CRTAM: variants seen among roughly 807,000 people sequenced by gnomAD.
CRTAM encodes cytotoxic and regulatory T-cell molecule.
A neutral mutation model predicts 50.0 loss-of-function variants in CRTAM; 44 were observed. That is an observed-to-expected ratio of 0.88 (90% CI 0.69 to 1.13). CRTAM has a LOEUF of 1.13. Among genes scored for constraint, CRTAM ranks in the 50% most tolerant of loss-of-function variants. CRTAM has a pLI of 0.00. For missense variants in CRTAM, 448 were observed against 457.5 expected (o/e 0.98, Z 0.19); for synonymous variants, 159 against 169.3 (o/e 0.94, Z 0.47).
At chr11:122,866,536 G>A (rs1294453875) in intron 7 of CRTAM, among the ~76,000 whole-genome samples, 8 of 151,844 alleles carry the variant, frequency 5.3e-5, no homozygotes, top group Non-Finnish European at 1.5e-5. Context: ...TTATTCATTG[G>A]TTAAGATGAG....
chr11:122,843,432 T>G (rs570012711), intron 1 of CRTAM, among the ~76,000 whole-genome samples: 3 of 152,088 alleles, frequency 2.0e-5, no homozygotes, highest in Non-Finnish European at 4.4e-5. Flanking sequence ...CCGTAGGAAG[T>G]GGTGACCTCA....
At chr11:122,850,354 C>T (rs1208678866) in intron 2 of CRTAM, 140 bp downstream of exon 2, 34 of 757,178 alleles carry the variant, frequency 4.5e-5, no homozygotes, top group East Asian at 5.2e-5. Context: ...ACATGAATCA[C>T]GCCTCCAAAT....
intron 1 of CRTAM, among the ~76,000 whole-genome samples, chr11:122,841,607 A>G (rs1861799543): frequency 1.3e-5 from 2 of 151,976 alleles, no homozygotes; most frequent in Admixed American, 6.6e-5. Context: ...TCACCATGTT[A>G]GCCAGGATAG....
At chr11:122,853,834 T>G in intron 3 of CRTAM, 109 bp from the exon 4 acceptor site, 1 of 947,792 alleles carries the variant, frequency 1.1e-6, no homozygotes. Context: ...GAAAGCCCAT[T>G]AATTAGAGTA....
intron 1 of CRTAM, among the ~76,000 whole-genome samples, chr11:122,839,088 C>T (rs1338909388): frequency 3.9e-5 from 6 of 152,108 alleles, no homozygotes; most frequent in African/African-American, 1.2e-4. Context: ...GCCACCACCA[C>T]GCCCGGCTAA....
chr11:122,871,176 C>A, intron 9 of CRTAM, 93 bp from the exon 10 acceptor site: 2 of 1,200,362 alleles, frequency 1.7e-6, no homozygotes, highest in Non-Finnish European at 2.3e-6. Context: ...AATATGTGAA[C>A]CTAAAAATAT....
At chr11:122,842,993 G>A (rs1861817709) in intron 1 of CRTAM, among the ~76,000 whole-genome samples, 1 of 152,128 alleles carries the variant, frequency 6.6e-6, no homozygotes, top group Non-Finnish European at 1.5e-5. Flanking sequence ...AGGCTATTAA[G>A]GCAAGAAAAG....
chr11:122,865,327 G>A (rs751165392), intron 7 of CRTAM, among the ~76,000 whole-genome samples: 6 of 152,104 alleles, frequency 3.9e-5, no homozygotes, highest in East Asian at 1.9e-4. Flanking sequence ...GAGCCACCGC[G>A]CCCGGCTGTT....
chr11:122,858,843 G>A (rs909059170), intron 5 of CRTAM, among the ~76,000 whole-genome samples: 2 of 152,026 alleles, frequency 1.3e-5, no homozygotes, highest in African/African-American at 4.8e-5. Flanking sequence ...CATCTTTTTA[G>A]TATTTAAAAT....
intron 4 of CRTAM, 25 bp downstream of exon 4, chr11:122,854,111 G>T (rs758062625): frequency 6.2e-6 from 10 of 1,603,702 alleles, no homozygotes; most frequent in Admixed American, 1.7e-5. Context: ...GGTTCTCTTT[G>T]TCTTCCTTCC....
chr11:122,868,098 A>G lies in CRTAM; in HGVS notation c.1050A>G (p.Gln350=), dbSNP rs745953967. The change falls in exon 9 of 10, where the codon CAA becomes CAG. Residue 350 remains glutamine (Q), a splice_region_variant and synonymous_variant. Transcript: ENST00000227348. ...EETSSEEKNG[Q]SSHPMRCMNY... ...CATCATCTGAAGAGAAAAATGGCCA[A>G]TGTAAGTCAACTGTATGACCTGAGA... The G allele has an allele frequency of 3.5e-5, 55 of 1,582,764 alleles. No homozygotes were observed. Among genetic ancestry groups the G allele is most frequent in the Admixed American group, 8.4e-5 (5 of 59,880 alleles).
intron 4 of CRTAM, 85 bp downstream of exon 4, chr11:122,854,171 A>C: frequency 7.5e-7 from 1 of 1,326,038 alleles, no homozygotes; most frequent in East Asian, 2.4e-5. Flanking sequence ...CTCTAGTGGC[A>C]GACAATGCCA....
chr11:122,871,333 G>A lies in CRTAM; in HGVS notation c.1116G>A (p.Arg372=). ...TKLYSEAKTK[R]KENVQHSKLE... ...TGTACTCAGAAGCAAAAACAAAGAG[G>A]AAGGAAAATGTACAACATTCAAAAT... is the stretch of plus-strand genomic sequence containing the variant. The change falls in exon 10 of 10, where the codon AGG becomes AGA. Residue 372 remains arginine (R), a synonymous_variant. Transcript: ENST00000227348. The A allele has an allele frequency of 6.2e-7, 1 of 1,613,650 alleles. No homozygotes were observed. Among genetic ancestry groups the A allele is most frequent in the Non-Finnish European group, 8.5e-7 (1 of 1,179,632 alleles).
intron 5 of CRTAM, among the ~76,000 whole-genome samples, chr11:122,858,308 T>G (rs780027893): frequency 2.0e-5 from 3 of 152,118 alleles, no homozygotes; most frequent in Non-Finnish European, 4.4e-5. Flanking sequence ...CGCTATAACC[T>G]CTGCCTCCCA....
chr11:122,849,395 G>A (rs1861902651), intron 1 of CRTAM, among the ~76,000 whole-genome samples: 1 of 152,198 alleles, frequency 6.6e-6, no homozygotes, highest in African/African-American at 2.4e-5. Flanking sequence ...TCTGTAAAGT[G>A]AGCACAATTC....
rs141472021 is a variant in CRTAM at position 122,864,849 on chromosome 11, C to T, written c.817+130C>T. The T allele has an allele frequency of 4.4e-3, 2,813 of 644,062 alleles. 15 individuals are homozygous for T. Among genetic ancestry groups the T allele is most frequent in the Middle Eastern group, 0.02 (80 of 4,006 alleles). 39.9% of individuals were successfully genotyped at this position (644,062 alleles called of 1,614,324 possible). A position where few individuals can be genotyped will look rare whatever the true frequency, so the allele number is the denominator to read the frequency against. On this transcript the variant is annotated intron_variant, in intron 7 of 9. Coordinates refer to ENST00000227348, the MANE Select transcript of CRTAM (RefSeq NM_019604.4). ...CCTTTAGGACATGATTGGTTAATCACTCCCTTGTCCCTCCTTGATTTAGTT... is the reference window on the plus strand; with the variant it reads ...CCTTTAGGACATGATTGGTTAATCATTCCCTTGTCCCTCCTTGATTTAGTT...
chr11:122,867,944 T>G, intron 8 of CRTAM, 69 bp from the exon 9 acceptor site: 1 of 931,606 alleles, frequency 1.1e-6, no homozygotes, highest in Middle Eastern at 3.0e-4. Context: ...AGGTATTATC[T>G]TATTCAAATA....
At chr11:122,843,017 A>C (rs1390100187) in intron 1 of CRTAM, among the ~76,000 whole-genome samples, 1 of 152,228 alleles carries the variant, frequency 6.6e-6, no homozygotes, top group Non-Finnish European at 1.5e-5. Flanking sequence ...AGAATATTTT[A>C]TTCTTTTCTC....
At chr11:122,839,774 T>C (rs1200842203) in intron 1 of CRTAM, among the ~76,000 whole-genome samples, 1 of 152,200 alleles carries the variant, frequency 6.6e-6, no homozygotes, top group Non-Finnish European at 1.5e-5. Flanking sequence ...TTTCATGAAA[T>C]GCACCTATCC....
Sources: gnomAD v4.1 joint callset for allele counts (sites outside exome capture counted in the v4.1 genomes callset) on GRCh38, gnomAD v4.1.1 for gene constraint, MANE v1.5 for transcripts, NCBI Gene and HGNC (gene_info 2026-07-23, HGNC 2026-07-21) for gene names.